Variants in LRMDA observed in about 807,000 individuals in gnomAD.
The protein encoded by LRMDA is leucine rich melanocyte differentiation associated.
A neutral mutation model predicts 29.8 loss-of-function variants in LRMDA; 18 were observed. The ratio of observed to expected loss-of-function variants is 0.60; its 90% CI spans 0.42 to 0.90. The LOEUF is 0.90. Among genes scored for constraint, LRMDA ranks in the 40% least tolerant of loss-of-function variants. The probability of loss-of-function intolerance (pLI) is 0.00; values close to 1 mark genes in which losing one functional copy is unlikely to be tolerated. For missense variants in LRMDA, 273 were observed against 273.9 expected (o/e 1.00, Z 0.02); for synonymous variants, 125 against 109.4 (o/e 1.14, Z -0.89).
chr10:76,370,379 T>G (rs1413678007), intron 6 of LRMDA, among the ~76,000 whole-genome samples: 1 of 152,220 alleles, frequency 6.6e-6, no homozygotes, highest in Non-Finnish European at 1.5e-5. Context: ...AAAGCTGATG[T>G]TGCTATCTAC....
At chr10:75,902,282 G>T (rs1221399330) in intron 2 of LRMDA, among the ~76,000 whole-genome samples, 2 of 152,182 alleles carry the variant, frequency 1.3e-5, no homozygotes, top group Non-Finnish European at 2.9e-5. Context: ...GGTTGTTTGA[G>T]AAGTGAATTT....
intron 2 of LRMDA, among the ~76,000 whole-genome samples, chr10:75,965,608 A>T (rs1846845444): frequency 6.6e-6 from 1 of 152,106 alleles, no homozygotes; most frequent in Non-Finnish European, 1.5e-5. Context: ...AAAAAAACCA[A>T]AACTCTACTT....
chr10:75,971,220 C>T (rs1846963331), intron 2 of LRMDA, among the ~76,000 whole-genome samples: 1 of 152,142 alleles, frequency 6.6e-6, no homozygotes, highest in Non-Finnish European at 1.5e-5. Context: ...TCCTTCTTCC[C>T]TTTCTCTCCC....
intron 2 of LRMDA, among the ~76,000 whole-genome samples, chr10:75,825,439 T>C (rs1407606690): frequency 6.6e-6 from 1 of 152,204 alleles, no homozygotes; most frequent in Non-Finnish European, 1.5e-5. Context: ...GTATTTCTGC[T>C]GTGTTGGTTA....
Position 75,677,684 on chromosome 10 carries a change from G to A in LRMDA, c.131+239190G>A, listed in dbSNP as rs1489138690. Among the ~76,000 whole-genome samples, 3 of 152,216 alleles carry A rather than the reference G, an allele frequency of 2.0e-5. No homozygotes were observed. The East Asian group carries it at 5.8e-4, about 29-fold the overall frequency. On this transcript the variant is annotated intron_variant, in intron 2 of 6. Coordinates refer to ENST00000611255, the MANE Select transcript of LRMDA (RefSeq NM_001305581.2). ...TTCTGTTTTGTCCTTCTCTGATGTTGCAGAAACAGCAGAATTACGGAAAAA... is the reference window on the plus strand; with the variant it reads ...TTCTGTTTTGTCCTTCTCTGATGTTACAGAAACAGCAGAATTACGGAAAAA...
intron 6 of LRMDA, among the ~76,000 whole-genome samples, chr10:76,475,865 C>A (rs559659793): frequency 2.6e-4 from 39 of 152,028 alleles, no homozygotes; most frequent in East Asian, 9.7e-4. Flanking sequence ...AACAAAGACA[C>A]AACATACCAG....
chr10:76,029,558 T>C (rs895418605), intron 2 of LRMDA, among the ~76,000 whole-genome samples: 1 of 152,200 alleles, frequency 6.6e-6, no homozygotes, highest in Non-Finnish European at 1.5e-5. Context: ...TTCATATGGG[T>C]AATTATATAA....
At chr10:76,550,413 A>G (rs1319077935) in intron 6 of LRMDA, among the ~76,000 whole-genome samples, 1 of 152,214 alleles carries the variant, frequency 6.6e-6, no homozygotes, top group Non-Finnish European at 1.5e-5. Flanking sequence ...AAGGTGAAAC[A>G]GGAAGCATGG....
chr10:75,600,180 G>A (rs1427642044), intron 2 of LRMDA, among the ~76,000 whole-genome samples: 1 of 150,164 alleles, frequency 6.7e-6, no homozygotes, highest in Non-Finnish European at 1.5e-5. Context: ...TTCCCCCCAA[G>A]TAAGTCTGTG....
At position 75,805,884 on chromosome 10, in the gene LRMDA, G is replaced by T. The variant is rs559372226; in HGVS notation, c.132-230124G>T. Among the ~76,000 whole-genome samples, 10 of 152,260 alleles carry T rather than the reference G, an allele frequency of 6.6e-5. No homozygotes were observed. In the East Asian group the frequency reaches 1.9e-3, roughly 29 times the overall value. ...ATATACTGATACTTTATAATTAGGGGTTGTGTTAGGCCATTCTTGCCTTGC... is the reference window on the plus strand; with the variant it reads ...ATATACTGATACTTTATAATTAGGGTTTGTGTTAGGCCATTCTTGCCTTGC... On this transcript the variant is annotated intron_variant, in intron 2 of 6. Coordinates refer to ENST00000611255, the MANE Select transcript of LRMDA (RefSeq NM_001305581.2).
intron 2 of LRMDA, among the ~76,000 whole-genome samples, chr10:75,561,781 G>A (rs1427832808): frequency 6.6e-6 from 1 of 151,816 alleles, no homozygotes; most frequent in African/African-American, 2.4e-5. Flanking sequence ...CCTTCATTTT[G>A]TTATGTACCC....
At chr10:76,314,428 G>A (rs1444001039) in intron 5 of LRMDA, among the ~76,000 whole-genome samples, 1 of 152,134 alleles carries the variant, frequency 6.6e-6, no homozygotes, top group Non-Finnish European at 1.5e-5. Context: ...ATCACTTTAA[G>A]TTTAGCAAAT....
At chr10:76,373,536 A>T (rs1046700100) in intron 6 of LRMDA, among the ~76,000 whole-genome samples, 1 of 152,142 alleles carries the variant, frequency 6.6e-6, no homozygotes, top group South Asian at 2.1e-4. Context: ...ATAGTTAATT[A>T]TTCTCACCTG....
At chr10:75,946,986 G>A (rs999925817) in intron 2 of LRMDA, among the ~76,000 whole-genome samples, 5 of 152,188 alleles carry the variant, frequency 3.3e-5, no homozygotes, top group Non-Finnish European at 5.9e-5. Flanking sequence ...GCCTGTAGCT[G>A]GTTAGGGGCA....
chr10:76,291,929 C>A, intron 5 of LRMDA, among the ~76,000 whole-genome samples: 1 of 108,776 alleles, frequency 9.2e-6, no homozygotes, highest in East Asian at 2.8e-4. Flanking sequence ...CACACACACA[C>A]GTGCACACAC....
intron 6 of LRMDA, among the ~76,000 whole-genome samples, chr10:76,538,627 A>C (rs570989484): frequency 1.3e-5 from 2 of 151,148 alleles, no homozygotes. Flanking sequence ...GGAAATCTTG[A>C]AAGGAGTAAT....
chr10:75,590,015 T>A (rs544445302), intron 2 of LRMDA, among the ~76,000 whole-genome samples: 1 of 126,680 alleles, frequency 7.9e-6, no homozygotes, highest in East Asian at 2.7e-4. Flanking sequence ...TATCTGAAGA[T>A]GATGATTTTT....
At chr10:76,297,354 T>C (rs1382889955) in intron 5 of LRMDA, among the ~76,000 whole-genome samples, 2 of 152,192 alleles carry the variant, frequency 1.3e-5, no homozygotes, top group East Asian at 3.9e-4. Flanking sequence ...TAAATGGTTA[T>C]CAGATAACTT....
At chr10:75,747,378 G>A (rs1842902084) in intron 2 of LRMDA, among the ~76,000 whole-genome samples, 1 of 152,048 alleles carries the variant, frequency 6.6e-6, no homozygotes, top group South Asian at 2.1e-4. Flanking sequence ...CCTCTGCATT[G>A]GAAACACTCA....
Sources: gnomAD v4.1 joint callset for allele counts (sites outside exome capture counted in the v4.1 genomes callset) on GRCh38, gnomAD v4.1.1 for gene constraint, MANE v1.5 for transcripts, NCBI Gene and HGNC (gene_info 2026-07-23, HGNC 2026-07-21) for gene names.